Variants in TIAM1 observed in about 807,000 individuals in gnomAD.
TIAM1 encodes the protein rho guanine nucleotide exchange factor TIAM1.
In TIAM1, 65 loss-of-function variants were observed where a neutral mutation model predicts 163.5. The ratio of observed to expected loss-of-function variants is 0.40; its 90% CI spans 0.33 to 0.49. The LOEUF is 0.49. Among genes scored for constraint, TIAM1 ranks in the 20% least tolerant of loss-of-function variants. TIAM1 has a pLI of 0.77. For synonymous variants in TIAM1, 833 were observed against 810.1 expected, an observed-to-expected ratio of 1.03 and a Z score of -0.48; for missense variants, 1,789 against 2,044.7, an observed-to-expected ratio of 0.87 and a Z score of 2.41.
intron 6 of TIAM1, among the ~76,000 whole-genome samples, chr21:31,245,111 C>T (rs2071425205): frequency 6.6e-6 from 1 of 152,008 alleles, no homozygotes; most frequent in Non-Finnish European, 1.5e-5. Flanking sequence ...ATAAATAAAA[C>T]TTTTTGACAG....
chr21:31,170,247 T>A (rs768152582), intron 15 of TIAM1, among the ~76,000 whole-genome samples: 6 of 152,164 alleles, frequency 3.9e-5, no homozygotes, highest in Non-Finnish European at 8.8e-5. Context: ...GCCTCAAAAA[T>A]GTCAGACACA....
chr21:31,438,229 T>C (rs1171111312), intron 2 of TIAM1, among the ~76,000 whole-genome samples: 1 of 144,420 alleles, frequency 6.9e-6, no homozygotes, highest in African/African-American at 2.7e-5. Flanking sequence ...TCTCACTGTG[T>C]TGCCCAGACT....
intron 3 of TIAM1, among the ~76,000 whole-genome samples, chr21:31,269,388 C>A (rs2072945634): frequency 6.6e-6 from 1 of 152,208 alleles, no homozygotes; most frequent in Admixed American, 6.5e-5. Context: ...AAGAGAAACT[C>A]TCAGGGGATG....
chr21:31,398,735 G>A (rs751415570), intron 2 of TIAM1, among the ~76,000 whole-genome samples: 14 of 152,366 alleles, frequency 9.2e-5, no homozygotes, highest in Admixed American at 2.6e-4. Context: ...GCAGGCTTCC[G>A]TCTGTGCCTG....
chr21:31,323,289 A>C (rs1408076231), intron 2 of TIAM1, among the ~76,000 whole-genome samples: 1 of 145,696 alleles, frequency 6.9e-6, no homozygotes, highest in Non-Finnish European at 1.5e-5. Flanking sequence ...CTTTGATTCA[A>C]AAAAAAAAAA....
chr21:31,355,608 G>A (rs2076304461), intron 2 of TIAM1, among the ~76,000 whole-genome samples: 1 of 151,848 alleles, frequency 6.6e-6, no homozygotes, highest in Non-Finnish European at 1.5e-5. Context: ...CTGGAGTGCA[G>A]TGATGTGATC....
At chr21:31,296,905 C>G (rs368064941) in intron 2 of TIAM1, among the ~76,000 whole-genome samples, 1 of 152,130 alleles carries the variant, frequency 6.6e-6, no homozygotes, top group Admixed American at 6.5e-5. Context: ...CCTCATAATC[C>G]GCCCGCCTTG....
chr21:31,177,789 G>A (rs139508543), intron 15 of TIAM1, among the ~76,000 whole-genome samples: 1 of 152,162 alleles, frequency 6.6e-6, no homozygotes, highest in African/African-American at 2.4e-5. Flanking sequence ...GGTCCTTAAG[G>A]GAGGACCTGG....
At chr21:31,209,100 C>T (rs1168104387) in intron 11 of TIAM1, among the ~76,000 whole-genome samples, 1 of 152,100 alleles carries the variant, frequency 6.6e-6, no homozygotes, top group Non-Finnish European at 1.5e-5. Flanking sequence ...AGGATGCACC[C>T]AGCTGTAGAG....
At chr21:31,486,207 C>T (rs8132406) in intron 1 of TIAM1, among the ~76,000 whole-genome samples, 3,135 of 152,292 alleles carry the variant, frequency 0.021, 109 homozygotes, top group African/African-American at 0.071. Flanking sequence ...AATGGGAGTC[C>T]CAGCCATCCA....
intron 19 of TIAM1, among the ~76,000 whole-genome samples, chr21:31,149,929 T>A (rs923332154): frequency 6.6e-6 from 1 of 152,198 alleles, no homozygotes; most frequent in Non-Finnish European, 1.5e-5. Flanking sequence ...GATATATTAT[T>A]GTGCCTACAA....
intron 17 of TIAM1, 46 bp downstream of exon 17, chr21:31,154,201 C>G (rs750681063): frequency 6.3e-7 from 1 of 1,591,610 alleles, no homozygotes; most frequent in South Asian, 1.1e-5. Context: ...CAACTTCACT[C>G]CTTTACGAGG....
chr21:31,255,203 C>T (rs1217741454), intron 4 of TIAM1, among the ~76,000 whole-genome samples: 1 of 152,184 alleles, frequency 6.6e-6, no homozygotes, highest in Non-Finnish European at 1.5e-5. Context: ...GTGTCATCAA[C>T]GGGGAATGCT....
At chr21:31,136,760 T>C (rs756113857) in intron 22 of TIAM1, among the ~76,000 whole-genome samples, 1 of 152,224 alleles carries the variant, frequency 6.6e-6, no homozygotes, top group African/African-American at 2.4e-5. Context: ...GAGATGCTAA[T>C]GGCCGTCCAT....
At chr21:31,320,185 T>C (rs971775029) in intron 2 of TIAM1, among the ~76,000 whole-genome samples, 2 of 152,108 alleles carry the variant, frequency 1.3e-5, no homozygotes, top group African/African-American at 4.8e-5. Context: ...TACTACAACA[T>C]GAATGAACCT....
chr21:31,461,282 G>A lies in TIAM1; in HGVS notation c.-369+2701C>T, dbSNP rs550080480. On this transcript the variant is annotated intron_variant, in intron 2 of 28. Coordinates refer to the TIAM1 transcript ENST00000286827. ...GCAGATCACTGGAGGTCAGGAGTTCGAAATCAGCCTGGTCAACATGGTGTA... is the reference window on the plus strand; with the variant it reads ...GCAGATCACTGGAGGTCAGGAGTTCAAAATCAGCCTGGTCAACATGGTGTA... 9.9e-5 allele frequency among the ~76,000 whole-genome samples: 15 copies of A among 152,182 alleles called. No individual in the cohort carries two copies. The South Asian group carries it at 2.3e-3, about 23-fold the overall frequency.
chr21:31,176,531 T>C (rs1261903326), intron 15 of TIAM1, among the ~76,000 whole-genome samples: 1 of 152,094 alleles, frequency 6.6e-6, no homozygotes. Context: ...ACACTCAGCA[T>C]AGACTCTCCT....
intron 4 of TIAM1, among the ~76,000 whole-genome samples, chr21:31,264,330 C>T (rs1353068742): frequency 1.3e-5 from 2 of 152,110 alleles, no homozygotes; most frequent in African/African-American, 2.4e-5. Context: ...TTATGAGGTA[C>T]TCAAGATATT....
At chr21:31,293,312 G>C (rs1247528327) in intron 2 of TIAM1, among the ~76,000 whole-genome samples, 1 of 152,084 alleles carries the variant, frequency 6.6e-6, no homozygotes, top group African/African-American at 2.4e-5. Flanking sequence ...ATTGGATGAG[G>C]CCTACCAATG....
Sources: allele counts gnomAD v4.1 joint callset (sites outside exome capture counted in the v4.1 genomes callset), GRCh38; gene constraint gnomAD v4.1.1; transcripts MANE v1.5; gene names NCBI Gene and HGNC (gene_info 2026-07-23, HGNC 2026-07-21).